KIF6: variants seen among roughly 807,000 people sequenced by gnomAD.
KIF6 encodes kinesin-like protein KIF6.
Under a neutral mutation model 112.7 loss-of-function variants are expected in KIF6, and 106 were observed. The ratio of observed to expected loss-of-function variants is 0.94; its 90% CI spans 0.80 to 1.11. KIF6 has a LOEUF of 1.11. Among genes scored for constraint, KIF6 ranks in the 50% least tolerant of loss-of-function variants. The pLI, the probability that KIF6 is intolerant of heterozygous loss-of-function variation, is 0.00. For missense variants in KIF6, 929 were observed against 964.0 expected, an observed-to-expected ratio of 0.96 and a Z score of 0.48; for synonymous variants, 339 against 339.9, an observed-to-expected ratio of 1.00 and a Z score of 0.03.
At chr6:39,418,207 C>CTG (rs1770072615) in intron 15 of KIF6, among the ~76,000 whole-genome samples, 1 of 152,088 alleles carries the variant, frequency 6.6e-6, no homozygotes, top group Admixed American at 6.6e-5. Context: ...TTCCTAACTC[C>CTG]CAGTTTTTCT....
At chr6:39,682,365 C>G (rs1353658635) in intron 3 of KIF6, among the ~76,000 whole-genome samples, 1 of 152,130 alleles carries the variant, frequency 6.6e-6, no homozygotes, top group Non-Finnish European at 1.5e-5. Context: ...TGTTACTGTA[C>G]TGAATACAGT....
chr6:39,714,915 T>C (rs113592245), intron 2 of KIF6, 149 bp from the exon 3 acceptor site: 1 of 619,836 alleles, frequency 1.6e-6, no homozygotes, highest in Admixed American at 2.7e-5. Context: ...CCCTGTAGTC[T>C]CAACCACACT....
intron 9 of KIF6, 119 bp from the exon 10 acceptor site, chr6:39,578,278 T>A: frequency 1.5e-6 from 1 of 671,558 alleles, no homozygotes; most frequent in Non-Finnish European, 2.6e-6. Context: ...TGGGTAATGG[T>A]ATAAAAAGCC....
chr6:39,340,174 C>T (rs969366273), intron 22 of KIF6, among the ~76,000 whole-genome samples: 2 of 152,244 alleles, frequency 1.3e-5, no homozygotes, highest in African/African-American at 4.8e-5. Flanking sequence ...GTCAACCTGT[C>T]TTTGGCTTCC....
In KIF6 at chr6:39,338,323, G is replaced by A. The variant is rs1182884741; in HGVS notation, c.2429-1775C>T. 2.6e-5 allele frequency among the ~76,000 whole-genome samples: 4 copies of A among 152,310 alleles called. No individual in the cohort carries two copies. In the East Asian group the frequency reaches 5.8e-4, roughly 22 times the overall value. On this transcript the variant is annotated intron_variant, in intron 22 of 22. Transcript: ENST00000287152. ...GGCTTGATATTGCTGTGGAAGAAAG[G>A]GTAATTCTTGGTGATACATTGAATG...
At chr6:39,416,588 G>A (rs933199926) in intron 15 of KIF6, among the ~76,000 whole-genome samples, 3 of 152,168 alleles carry the variant, frequency 2.0e-5, no homozygotes, top group Non-Finnish European at 4.4e-5. Context: ...ACAAAAAGGA[G>A]TTTGTGGCAA....
intron 16 of KIF6, among the ~76,000 whole-genome samples, chr6:39,374,413 G>A (rs1400501442): frequency 1.3e-5 from 2 of 152,104 alleles, no homozygotes; most frequent in Admixed American, 6.5e-5. Flanking sequence ...GCACAGCAAA[G>A]GAAACAATCA....
chr6:39,551,773 T>C (rs977391685), intron 10 of KIF6, among the ~76,000 whole-genome samples: 1 of 152,202 alleles, frequency 6.6e-6, no homozygotes, highest in African/African-American at 2.4e-5. Flanking sequence ...ATAAGAAATA[T>C]GGCAGAATGA....
At chr6:39,643,724 C>T (rs1288335834) in intron 3 of KIF6, among the ~76,000 whole-genome samples, 2 of 152,002 alleles carry the variant, frequency 1.3e-5, no homozygotes, top group African/African-American at 2.4e-5. Flanking sequence ...GAAAATCTTG[C>T]AAGAAAACTT....
chr6:39,560,022 G>C (rs1284126043), intron 10 of KIF6, among the ~76,000 whole-genome samples: 2 of 152,124 alleles, frequency 1.3e-5, no homozygotes, highest in Non-Finnish European at 2.9e-5. Context: ...CAAATTTAAT[G>C]AGGCATCTTG....
chr6:39,626,517 TA>T lies in KIF6; in HGVS notation c.509+8331del, dbSNP rs1245898078. On this transcript the variant is annotated intron_variant, in intron 5 of 22. Transcript: ENST00000287152. ...TCTTAGCAGACATGAAATCCTGGGG[TA>T]ACAGCACACAATCTCTGTGAACCTC... Among the ~76,000 whole-genome samples, 9 of 152,264 alleles carry T rather than the reference TA, an allele frequency of 5.9e-5. No homozygotes were observed. In the South Asian group the frequency reaches 1.9e-3, roughly 32 times the overall value.
At chr6:39,635,932 T>C (rs1784604965) in intron 4 of KIF6, among the ~76,000 whole-genome samples, 1 of 152,018 alleles carries the variant, frequency 6.6e-6, no homozygotes, top group Non-Finnish European at 1.5e-5. Context: ...TGCCAGGGTG[T>C]CAGAGTGTAT....
At chr6:39,571,503 C>G (rs1053366780) in intron 10 of KIF6, among the ~76,000 whole-genome samples, 1 of 152,172 alleles carries the variant, frequency 6.6e-6, no homozygotes, top group African/African-American at 2.4e-5. Flanking sequence ...TGTGTACTGT[C>G]TCTCCACAAG....
At chr6:39,522,183 C>T (rs1777437286) in intron 13 of KIF6, among the ~76,000 whole-genome samples, 1 of 152,198 alleles carries the variant, frequency 6.6e-6, no homozygotes, top group Non-Finnish European at 1.5e-5. Context: ...TATTCTCCCA[C>T]AATGTAAATA....
intron 1 of KIF6, among the ~76,000 whole-genome samples, chr6:39,724,452 C>CAA (rs33912709): frequency 2.4e-4 from 22 of 90,488 alleles, no homozygotes; most frequent in East Asian, 7.1e-4. Context: ...GACTCCGTCT[C>CAA]AAAAAAAAAA....
intron 1 of KIF6, 85 bp from the exon 2 acceptor site, chr6:39,720,896 AT>A: frequency 1.5e-6 from 1 of 669,752 alleles, no homozygotes; most frequent in Non-Finnish European, 2.7e-6. Flanking sequence ...TTGTAATGAT[AT>A]GAAAATTATA....
At chr6:39,366,745 G>A (rs770916411) in intron 16 of KIF6, among the ~76,000 whole-genome samples, 13 of 152,224 alleles carry the variant, frequency 8.5e-5, no homozygotes, top group Non-Finnish European at 1.9e-4. Flanking sequence ...AAGGGAAATC[G>A]TGGTGGGAGC....
intron 13 of KIF6, among the ~76,000 whole-genome samples, chr6:39,511,025 T>C (rs1017512327): frequency 6.6e-6 from 1 of 151,922 alleles, no homozygotes; most frequent in African/African-American, 2.4e-5. Context: ...ATCCTAAATA[T>C]ATATGCACCC....
intron 13 of KIF6, among the ~76,000 whole-genome samples, chr6:39,470,273 A>G (rs2150438438): frequency 6.6e-6 from 1 of 152,294 alleles, no homozygotes; most frequent in South Asian, 2.1e-4. Flanking sequence ...GAGCAATTGC[A>G]CATGGTGAAA....
Sources: gnomAD v4.1 joint callset for allele counts (sites outside exome capture counted in the v4.1 genomes callset) on GRCh38, gnomAD v4.1.1 for gene constraint, MANE v1.5 for transcripts, NCBI Gene and HGNC (gene_info 2026-07-23, HGNC 2026-07-21) for gene names.